NCOA2: variants seen among roughly 807,000 people sequenced by gnomAD.
NCOA2 encodes the protein nuclear receptor coactivator 2, also known as class E basic helix-loop-helix protein 75.
Under a neutral mutation model 145.1 loss-of-function variants are expected in NCOA2, and 21 were observed. That is an observed-to-expected ratio of 0.14 (90% CI 0.10 to 0.21). NCOA2 has a LOEUF of 0.21. Ranked by LOEUF, NCOA2 falls within the 10% of genes least tolerant of loss-of-function variation. The probability of loss-of-function intolerance (pLI) is 1.00; values close to 1 mark genes in which losing one functional copy is unlikely to be tolerated. For missense variants in NCOA2, 1,472 were observed against 1,837.6 expected (o/e 0.80, Z 3.64); for synonymous variants, 619 against 637.5 (o/e 0.97, Z 0.44).
rs1416356219 is a variant in NCOA2 at position 70,112,194 on chromosome 8, T to C, written c.*1438A>G. On this transcript the variant is annotated 3_prime_UTR_variant, in exon 23 of 23. Transcript: ENST00000452400. ...AAGCAGAATCACAAGGTTTAGAAAA[T>C]AAAAAGTCTTAAGTCTACAAATTAG... 4.9e-6 allele frequency: 1 copy of C among 202,852 alleles called. No individual in the cohort carries two copies. The highest frequency in any genetic ancestry group is 6.0e-5 in the Admixed American group (1 of 16,716). The allele number at this position is 202,852 out of a possible 1,614,324, so 12.6% of individuals were successfully genotyped here.
chr8:70,403,935 GC>G (rs1277462371), upstream of NCOA2: 9 of 375,188 alleles, frequency 2.4e-5, no homozygotes, highest in Non-Finnish European at 4.3e-5. Context: ...AGGGGAGGGG[GC>G]TCGGGAGCCA....
chr8:70,323,784 CTAGAAAAAAAA>C (rs1446314951), intron 1 of NCOA2, among the ~76,000 whole-genome samples: 1 of 151,838 alleles, frequency 6.6e-6, no homozygotes, highest in Non-Finnish European at 1.5e-5. Context: ...TTCTGGTTTT[CTAGAAAAAAAA>C]TAGTTTTTAA....
chr8:70,301,655 CA>C (rs71275063), intron 1 of NCOA2, among the ~76,000 whole-genome samples: 8,197 of 59,714 alleles, frequency 0.14, 174 homozygotes, highest in East Asian at 0.37. Flanking sequence ...GACCCTTTCT[CA>C]AAAAAAAAAA....
rs1279987220 is a variant in NCOA2 at position 70,265,814 on chromosome 8, TG to T, written c.-20+30929del. Among the ~76,000 whole-genome samples the T allele has an allele frequency of 3.8e-3, 555 of 147,814 alleles. 1 individual carries two copies. The highest frequency in any genetic ancestry group is 0.024 in the Middle Eastern group (7 of 294). On this transcript the variant is annotated intron_variant, in intron 2 of 22. Transcript: ENST00000452400. ...GAGCAAACCAGAAACTTCAGTTTTT[TG>T]TTGTTGTTGTTGTTGTTGTTTTGTT... is the stretch of plus-strand genomic sequence containing the variant.
chr8:70,163,499 T>C lies in NCOA2; in HGVS notation c.798A>G (p.Ser266=). The C allele has an allele frequency of 6.2e-7, 1 of 1,613,954 alleles. No individual in the cohort carries two copies. The highest frequency in any genetic ancestry group is 1.1e-5 in the South Asian group (1 of 91,086). Residue 266 remains serine, a synonymous_variant, in exon 8 of 23, where the codon TCA becomes TCG. Transcript: ENST00000452400. ...CCTGGCGAGTAGTAAAACTTTCTGA[T>C]GAGGGAAGAACTGGTCTTTCCTTCA... ...VPMKERPVLP[S]SESFTTRQDL... is the part of the protein sequence containing the mutation.
At chr8:70,266,840 A>G (rs943304967) in intron 2 of NCOA2, among the ~76,000 whole-genome samples, 4 of 152,242 alleles carry the variant, frequency 2.6e-5, no homozygotes, top group African/African-American at 7.2e-5. Context: ...CATGAATTAA[A>G]TACTGTTTTG....
intron 2 of NCOA2, among the ~76,000 whole-genome samples, chr8:70,244,006 A>G (rs1822395607): frequency 6.6e-6 from 1 of 152,056 alleles, no homozygotes; most frequent in Non-Finnish European, 1.5e-5. Context: ...CACTTAGTAT[A>G]ATTAAAAATT....
intron 11 of NCOA2, among the ~76,000 whole-genome samples, chr8:70,155,178 C>A (rs1299059217): frequency 6.6e-6 from 1 of 152,156 alleles, no homozygotes; most frequent in Non-Finnish European, 1.5e-5. Context: ...AATTTACATA[C>A]CATGGCTCAG....
intron 1 of NCOA2, among the ~76,000 whole-genome samples, chr8:70,334,147 T>A (rs1370033074): frequency 6.6e-6 from 1 of 152,214 alleles, no homozygotes; most frequent in Non-Finnish European, 1.5e-5. Flanking sequence ...CCCCTATGCC[T>A]AACTTTTAAG....
chr8:70,142,954 G>GTTT (rs757671722), intron 13 of NCOA2, among the ~76,000 whole-genome samples: 1 of 140,466 alleles, frequency 7.1e-6, no homozygotes. Context: ...TGTTTTTTTT[G>GTTT]TTTTTTTTTT....
At chr8:70,341,628 ATTTTG>A (rs1440504609) in intron 1 of NCOA2, among the ~76,000 whole-genome samples, 1 of 152,222 alleles carries the variant, frequency 6.6e-6, no homozygotes, top group Admixed American at 6.5e-5. Context: ...TCAGCAATGA[ATTTTG>A]TTTTAACAAA....
chr8:70,318,710 A>C (rs918795943), intron 1 of NCOA2, among the ~76,000 whole-genome samples: 1 of 152,060 alleles, frequency 6.6e-6, no homozygotes, highest in Admixed American at 6.5e-5. Flanking sequence ...GGCTGCCGTT[A>C]GCTGTAATCA....
At chr8:70,135,354 C>G (rs917937145) in intron 15 of NCOA2, among the ~76,000 whole-genome samples, 1 of 152,156 alleles carries the variant, frequency 6.6e-6, no homozygotes, top group South Asian at 2.1e-4. Context: ...CATGCTCACA[C>G]GGGGCAAGCA....
chr8:70,435,339 G>C, the NCOA2 span, among the ~76,000 whole-genome samples: 1 of 145,246 alleles, frequency 6.9e-6, no homozygotes, highest in Non-Finnish European at 1.5e-5. Context: ...GCAGGAGAAT[G>C]GCATGAACCC....
chr8:70,323,996 C>G (rs1406905235), intron 1 of NCOA2, among the ~76,000 whole-genome samples: 2 of 152,154 alleles, frequency 1.3e-5, no homozygotes. Context: ...CATTACTGGT[C>G]CCACATACCA....
At chr8:70,262,745 C>G (rs1824244371) in intron 2 of NCOA2, among the ~76,000 whole-genome samples, 1 of 152,168 alleles carries the variant, frequency 6.6e-6, no homozygotes, top group African/African-American at 2.4e-5. Flanking sequence ...AGCCTTGATG[C>G]AATAGAGATT....
chr8:70,123,826 G>A, intron 21 of NCOA2, 58 bp downstream of exon 21: 2 of 1,417,354 alleles, frequency 1.4e-6, no homozygotes, highest in Non-Finnish European at 1.9e-6. Flanking sequence ...ATTTGATGCA[G>A]AAGTAGAAAA....
Position 70,157,246 on chromosome 8 carries a change from T to C in NCOA2, c.1125-6A>G. 1 of 1,505,912 alleles carries C rather than the reference T, an allele frequency of 6.6e-7. No individual in the cohort carries two copies. Among genetic ancestry groups the C allele is most frequent in the South Asian group, 1.4e-5 (1 of 71,278 alleles). The allele number at this position is 1,505,912 out of a possible 1,614,324, so 93.3% of individuals were successfully genotyped here. A position where few individuals can be genotyped will look rare whatever the true frequency, so the allele number is the denominator to read the frequency against. The stretch of plus-strand genomic sequence containing the variant: ...TCACACACACATTCTGCTCTCTGTA[T>C]AACGAGAAAAGAAAAAAATGTAAGA... On this transcript the variant is annotated splice_region_variant and splice_polypyrimidine_tract_variant and intron_variant, in intron 10 of 22. Transcript: ENST00000452400.
intron 2 of NCOA2, among the ~76,000 whole-genome samples, chr8:70,219,760 G>A (rs993298083): frequency 5.9e-5 from 9 of 152,246 alleles, no homozygotes; most frequent in East Asian, 1.9e-4. Context: ...TGGGAGAGCC[G>A]AATAAATAAC....
Sources: allele counts gnomAD v4.1 joint callset (sites outside exome capture counted in the v4.1 genomes callset), GRCh38; gene constraint gnomAD v4.1.1; transcripts MANE v1.5; gene names NCBI Gene and HGNC (gene_info 2026-07-23, HGNC 2026-07-21).